The following ATRNL1 variants were observed in gnomAD, a reference collection of about 807,000 sequenced individuals.
ATRNL1 encodes attractin-like protein 1.
A neutral mutation model predicts 182.7 loss-of-function variants in ATRNL1; 95 were observed. The observed-to-expected ratio is 0.52, with a 90% CI of 0.44 to 0.62. The LOEUF (loss-of-function observed/expected upper bound fraction) is 0.62, where lower values mean the gene tolerates loss of function less well. Ranked by LOEUF, ATRNL1 falls within the 20% of genes least tolerant of loss-of-function variation. ATRNL1 has a pLI of 0.00. For missense variants in ATRNL1, 1,471 were observed against 1,679.5 expected (o/e 0.88, Z 2.17); for synonymous variants, 576 against 568.3 (o/e 1.01, Z -0.19).
At chr10:115,586,906 T>A (rs1555010122) in intron 26 of ATRNL1, among the ~76,000 whole-genome samples, 1 of 112,510 alleles carries the variant, frequency 8.9e-6, no homozygotes, top group Non-Finnish European at 2.0e-5. Flanking sequence ...TGGTCTATGA[T>A]GATGGTAATG....
intron 25 of ATRNL1, among the ~76,000 whole-genome samples, chr10:115,538,091 T>C (rs1180815961): frequency 6.6e-6 from 1 of 152,222 alleles, no homozygotes; most frequent in Non-Finnish European, 1.5e-5. Flanking sequence ...ACTTTGTTTA[T>C]CCATTCACCC....
intron 26 of ATRNL1, among the ~76,000 whole-genome samples, chr10:115,603,489 C>T (rs1856720849): frequency 1.3e-5 from 2 of 152,134 alleles, no homozygotes; most frequent in South Asian, 4.1e-4. Flanking sequence ...TAAAAAATTA[C>T]AAGAGTTTTA....
intron 15 of ATRNL1, 61 bp downstream of exon 15, chr10:115,286,458 A>C: frequency 8.3e-7 from 1 of 1,198,908 alleles, no homozygotes; most frequent in South Asian, 2.1e-5. Context: ...AATTATTTGA[A>C]ATTTTTTTTT....
At chr10:115,888,424 A>T (rs1205223396) in intron 28 of ATRNL1, among the ~76,000 whole-genome samples, 2 of 152,174 alleles carry the variant, frequency 1.3e-5, no homozygotes, top group African/African-American at 4.8e-5. Flanking sequence ...GGGCCAGAAG[A>T]TGATAGGTGA....
chr10:115,759,600 T>G (rs1371505296), intron 27 of ATRNL1, among the ~76,000 whole-genome samples: 1 of 152,198 alleles, frequency 6.6e-6, no homozygotes, highest in Non-Finnish European at 1.5e-5. Flanking sequence ...GACTAATGTT[T>G]TCATTTGTAT....
intron 26 of ATRNL1, among the ~76,000 whole-genome samples, chr10:115,654,799 G>C (rs1325317657): frequency 6.6e-6 from 1 of 152,134 alleles, no homozygotes; most frequent in Admixed American, 6.6e-5. Flanking sequence ...AAAGAAAGGT[G>C]ACATTTATGT....
chr10:115,347,002 G>A (rs759806903), intron 19 of ATRNL1, among the ~76,000 whole-genome samples: 9 of 151,944 alleles, frequency 5.9e-5, no homozygotes, highest in African/African-American at 9.7e-5. Flanking sequence ...TATATGAATG[G>A]CTCTATTAGC....
At chr10:115,219,614 C>A (rs1849366645) in intron 9 of ATRNL1, among the ~76,000 whole-genome samples, 1 of 152,154 alleles carries the variant, frequency 6.6e-6, no homozygotes, top group Non-Finnish European at 1.5e-5. Context: ...CAAAAGTTCA[C>A]ATAATAGTCT....
At chr10:115,611,938 G>A (rs1218313049) in intron 26 of ATRNL1, among the ~76,000 whole-genome samples, 1 of 151,932 alleles carries the variant, frequency 6.6e-6, no homozygotes, top group African/African-American at 2.4e-5. Context: ...TTATGAGGAA[G>A]GGGGAATTGG....
rs1210422338 is a variant in ATRNL1, at chr10:115,859,381, CAT to C, written c.4018+11393_4018+11394del. 2.0e-5 allele frequency among the ~76,000 whole-genome samples: 3 copies of C among 152,146 alleles called. No homozygotes were observed. In the East Asian group the frequency reaches 5.8e-4, roughly 30 times the overall value. On this transcript the variant is annotated intron_variant, in intron 28 of 28. Coordinates refer to ENST00000355044, the MANE Select transcript of ATRNL1 (RefSeq NM_207303.4). Reference sequence around the variant, plus strand: ...GTCCCTGCTCATATTACCCCTCCCTCATATTTATTGTAACATGTTGCAAAACC... The same window carrying C: ...GTCCCTGCTCATATTACCCCTCCCTCATTTATTGTAACATGTTGCAAAACC...
chr10:115,630,825 TATACACAC>T (rs1858443718), intron 26 of ATRNL1, among the ~76,000 whole-genome samples: 1 of 86,488 alleles, frequency 1.2e-5, no homozygotes, highest in South Asian at 4.3e-4. Context: ...ATATATGTAT[TATACACAC>T]ACACACACAC....
intron 9 of ATRNL1, among the ~76,000 whole-genome samples, chr10:115,219,952 C>T (rs1273951964): frequency 6.6e-6 from 1 of 152,124 alleles, no homozygotes; most frequent in Non-Finnish European, 1.5e-5. Flanking sequence ...AACATATCCT[C>T]GTGCACAGCC....
chr10:115,588,321 C>A (rs1855692676), intron 26 of ATRNL1, among the ~76,000 whole-genome samples: 1 of 152,108 alleles, frequency 6.6e-6, no homozygotes, highest in African/African-American at 2.4e-5. Flanking sequence ...ATGGTCTCAA[C>A]CTGTGGGGGA....
chr10:115,894,298 C>T (rs1015101217), intron 28 of ATRNL1, among the ~76,000 whole-genome samples: 6 of 152,270 alleles, frequency 3.9e-5, no homozygotes, highest in Admixed American at 6.5e-5. Flanking sequence ...TCTTGTGTTC[C>T]GTCTTCCTAA....
chr10:115,220,601 C>T (rs1173893830), intron 9 of ATRNL1: 7 of 151,834 alleles, frequency 4.6e-5, no homozygotes, highest in Non-Finnish European at 8.8e-5. Context: ...CAAAGAAGCT[C>T]TCCAGTGATG....
At position 115,426,637 on chromosome 10, in the gene ATRNL1, A is replaced by T. The variant is rs1379050026; in HGVS notation, c.3322+335A>T. Among the ~76,000 whole-genome samples the T allele has an allele frequency of 2.0e-5, 3 of 152,138 alleles. No homozygotes were observed. In the East Asian group the frequency reaches 5.8e-4, roughly 29 times the overall value. On this transcript the variant is annotated intron_variant, in intron 21 of 28. Transcript: ENST00000355044. Reference sequence around the variant, plus strand: ...GAATTTTATAATAGATATTTTGCAGAATTTTGGGCATTACTAAAAGGCTGC... The same window carrying T: ...GAATTTTATAATAGATATTTTGCAGTATTTTGGGCATTACTAAAAGGCTGC...
chr10:115,580,411 T>C (rs1029743178), intron 26 of ATRNL1, among the ~76,000 whole-genome samples: 3 of 152,078 alleles, frequency 2.0e-5, no homozygotes, highest in Non-Finnish European at 4.4e-5. Flanking sequence ...TTTGAATATA[T>C]TTTTCTGCCC....
At chr10:115,722,927 G>C (rs554027542) in intron 26 of ATRNL1, among the ~76,000 whole-genome samples, 20 of 152,134 alleles carry the variant, frequency 1.3e-4, no homozygotes, top group Non-Finnish European at 2.9e-4. Flanking sequence ...GGACATATAA[G>C]AGTTTTAAAA....
intron 28 of ATRNL1, among the ~76,000 whole-genome samples, chr10:115,851,307 C>T (rs1175800907): frequency 6.6e-6 from 1 of 152,014 alleles, no homozygotes; most frequent in South Asian, 2.1e-4. Flanking sequence ...AAATGAGTGA[C>T]AGAAATGCAC....
Sources: allele counts gnomAD v4.1 joint callset (sites outside exome capture counted in the v4.1 genomes callset), GRCh38; gene constraint gnomAD v4.1.1; transcripts MANE v1.5; gene names NCBI Gene and HGNC (gene_info 2026-07-23, HGNC 2026-07-21).